The following TIAM1 variants were observed in gnomAD, a reference collection of about 807,000 sequenced individuals.
TIAM1 encodes the protein TIAM Rac1 associated GEF 1.
TIAM1 carries 65 observed loss-of-function variants against 163.5 expected under a neutral mutation model. The observed-to-expected ratio is 0.40, with a 90% CI of 0.33 to 0.49. The LOEUF is 0.49. TIAM1 is among the 20% of genes least tolerant of loss of function. The pLI is 0.77. For synonymous variants in TIAM1, 833 were observed against 810.1 expected (o/e 1.03, Z -0.48); for missense variants, 1,789 against 2,044.7 (o/e 0.87, Z 2.41).
chr21:31,211,086 A>G (rs2086868096), intron 10 of TIAM1, among the ~76,000 whole-genome samples: 1 of 152,124 alleles, frequency 6.6e-6, no homozygotes, highest in South Asian at 2.1e-4. Context: ...GAGGTCAAAG[A>G]ACTTGACGGA....
chr21:31,289,932 G>A (rs1354678254), intron 2 of TIAM1, among the ~76,000 whole-genome samples: 1 of 152,080 alleles, frequency 6.6e-6, no homozygotes, highest in Non-Finnish European at 1.5e-5. Flanking sequence ...ACAGACACTA[G>A]GCTTGCCCTC....
chr21:31,275,052 G>A (rs990174754), intron 3 of TIAM1, among the ~76,000 whole-genome samples: 1 of 151,686 alleles, frequency 6.6e-6, no homozygotes, highest in African/African-American at 2.4e-5. Context: ...AACCCTGGAG[G>A]CGGAGACTGC....
chr21:31,155,114 C>G (rs2083557904), intron 16 of TIAM1, among the ~76,000 whole-genome samples: 2 of 152,244 alleles, frequency 1.3e-5, no homozygotes, highest in African/African-American at 4.8e-5. Flanking sequence ...AGATCCCAGT[C>G]TCCACATCTA....
chr21:31,532,976 C>T (rs914966489), intron 1 of TIAM1, among the ~76,000 whole-genome samples: 15 of 152,168 alleles, frequency 9.9e-5, no homozygotes, highest in African/African-American at 3.6e-4. Flanking sequence ...GTTATCCCAG[C>T]AAGATAGGTG....
intron 3 of TIAM1, among the ~76,000 whole-genome samples, chr21:31,272,525 A>C (rs2073104378): frequency 6.6e-6 from 1 of 152,072 alleles, no homozygotes; most frequent in South Asian, 2.1e-4. Flanking sequence ...ATATTGAAAC[A>C]ATGTCAAATT....
At chr21:31,380,116 T>A (rs2076752969) in intron 2 of TIAM1, among the ~76,000 whole-genome samples, 1 of 150,318 alleles carries the variant, frequency 6.7e-6, no homozygotes, top group Admixed American at 6.6e-5. Flanking sequence ...TACAAAAAAT[T>A]GGCCAGGCAT....
At chr21:31,470,875 G>A (rs529111362) in intron 1 of TIAM1, among the ~76,000 whole-genome samples, 81 of 152,286 alleles carry the variant, frequency 5.3e-4, no homozygotes, top group African/African-American at 1.8e-3. Context: ...CTCTTCCCTT[G>A]CCAAGGGGAG....
At chr21:31,184,426 A>G (rs774202350) in intron 14 of TIAM1, among the ~76,000 whole-genome samples, 32 of 152,148 alleles carry the variant, frequency 2.1e-4, no homozygotes, top group Non-Finnish European at 3.4e-4. Context: ...TAAATTTAAC[A>G]TAAAATACCC....
intron 1 of TIAM1, among the ~76,000 whole-genome samples, chr21:31,532,769 A>C (rs1773051414): frequency 6.6e-6 from 1 of 152,126 alleles, no homozygotes; most frequent in African/African-American, 2.4e-5. Flanking sequence ...CAGCATGGGC[A>C]ACGTGGCCAA....
At chr21:31,495,484 ACAGAGGAGCCTCCACGG>A (rs1334994054) in intron 1 of TIAM1, among the ~76,000 whole-genome samples, 1 of 152,176 alleles carries the variant, frequency 6.6e-6, no homozygotes, top group African/African-American at 2.4e-5. Flanking sequence ...GCCATTCACG[ACAGAGGAGCCTCCACGG>A]CAGAGGAGCC....
chr21:31,415,634 A>G (rs1454176379), intron 2 of TIAM1, among the ~76,000 whole-genome samples: 1 of 152,166 alleles, frequency 6.6e-6, no homozygotes, highest in Non-Finnish European at 1.5e-5. Flanking sequence ...CCACTATATG[A>G]AGAAATGGTA....
At chr21:31,545,499 G>GA (rs2048458077) in intron 1 of TIAM1, among the ~76,000 whole-genome samples, 1 of 152,186 alleles carries the variant, frequency 6.6e-6, no homozygotes, top group Admixed American at 6.5e-5. Flanking sequence ...ATTCAGAGAA[G>GA]ATGGGATCAT....
At chr21:31,394,230 C>G (rs2077013681) in intron 2 of TIAM1, among the ~76,000 whole-genome samples, 1 of 152,074 alleles carries the variant, frequency 6.6e-6, no homozygotes, top group Non-Finnish European at 1.5e-5. Flanking sequence ...AGACATATTA[C>G]TAAGTGAAAG....
At chr21:31,389,815 T>TTA (rs1382833563) in intron 2 of TIAM1, among the ~76,000 whole-genome samples, 2 of 152,208 alleles carry the variant, frequency 1.3e-5, no homozygotes, top group African/African-American at 4.8e-5. Flanking sequence ...GGTATTTTTC[T>TTA]ATATAAATCA....
At chr21:31,316,439 T>C (rs2075126329) in intron 2 of TIAM1, among the ~76,000 whole-genome samples, 1 of 151,898 alleles carries the variant, frequency 6.6e-6, no homozygotes, top group South Asian at 2.1e-4. Context: ...TAAAGGAGAG[T>C]ATTTTGTGAG....
At chr21:31,472,454 G>C (rs894460242) in intron 1 of TIAM1, among the ~76,000 whole-genome samples, 1 of 152,136 alleles carries the variant, frequency 6.6e-6, no homozygotes. Context: ...TTAAACACAG[G>C]GGGCAGAGGT....
chr21:31,446,519 T>C (rs914325205), intron 2 of TIAM1, among the ~76,000 whole-genome samples: 2 of 152,202 alleles, frequency 1.3e-5, no homozygotes, highest in African/African-American at 4.8e-5. Context: ...ACTTTCATGG[T>C]GGACTGCAAG....
chr21:31,127,637 C>T (rs981499909), intron 25 of TIAM1, among the ~76,000 whole-genome samples: 9 of 151,992 alleles, frequency 5.9e-5, no homozygotes, highest in African/African-American at 2.2e-4. Context: ...AGGCTGGTCT[C>T]GAACTCCTGA....
At chr21:31,215,741 T>C (rs1199191053) in intron 9 of TIAM1, among the ~76,000 whole-genome samples, 2 of 152,128 alleles carry the variant, frequency 1.3e-5, no homozygotes, top group African/African-American at 4.8e-5. Flanking sequence ...GGAAGCAAGC[T>C]CAATGATCTA....
Sources: gnomAD v4.1 joint callset for allele counts (sites outside exome capture counted in the v4.1 genomes callset) on GRCh38, gnomAD v4.1.1 for gene constraint, MANE v1.5 for transcripts, NCBI Gene and HGNC (gene_info 2026-07-23, HGNC 2026-07-21) for gene names.